Variants in CNBD2 observed in about 807,000 individuals in gnomAD.
CNBD2 encodes cyclic nucleotide-binding domain-containing protein 2.
A neutral mutation model predicts 63.7 loss-of-function variants in CNBD2; 64 were observed. The ratio of observed to expected loss-of-function variants is 1.00; its 90% CI spans 0.82 to 1.24. The LOEUF (loss-of-function observed/expected upper bound fraction) is 1.24, where lower values mean the gene tolerates loss of function less well. Among genes scored for constraint, CNBD2 ranks in the 50% most tolerant of loss-of-function variants. The pLI is 0.00. For missense variants in CNBD2, 691 were observed against 713.5 expected, an observed-to-expected ratio of 0.97 and a Z score of 0.36; for synonymous variants, 229 against 255.4, an observed-to-expected ratio of 0.90 and a Z score of 0.99.
At chr20:35,960,293 A>G (rs2056295966), downstream of CNBD2, among the ~76,000 whole-genome samples, 1 of 151,618 alleles carries the variant, frequency 6.6e-6, no homozygotes, top group Non-Finnish European at 1.5e-5. Flanking sequence ...CCCAGCAATG[A>G]ATGAGAATTT....
intron 6 of CNBD2, among the ~76,000 whole-genome samples, 154 bp from the exon 7 acceptor site, chr20:35,987,241 G>C (rs1256743116): frequency 6.6e-6 from 1 of 152,156 alleles, no homozygotes; most frequent in Non-Finnish European, 1.5e-5. Context: ...GTAGGAGAAT[G>C]GCTACAGGCA....
chr20:35,987,614 G>A, intron 7 of CNBD2, 81 bp downstream of exon 7: 2 of 1,524,256 alleles, frequency 1.3e-6, no homozygotes, highest in Middle Eastern at 1.8e-4. Flanking sequence ...GATGGTCAGA[G>A]TTTGAGCCCT....
At chr20:36,023,800 A>T in intron 11 of CNBD2, 29 bp downstream of exon 11, 1 of 1,534,222 alleles carries the variant, frequency 6.5e-7, no homozygotes. Flanking sequence ...CGTAAGTCCC[A>T]TCAGGTGAAA....
intron 8 of CNBD2, among the ~76,000 whole-genome samples, chr20:36,007,581 G>T (rs900938092): frequency 6.6e-6 from 1 of 152,178 alleles, no homozygotes; most frequent in Non-Finnish European, 1.5e-5. Flanking sequence ...TGCACACAGT[G>T]TTGTAAACAC....
At chr20:36,007,577 C>T (rs747617163) in intron 8 of CNBD2, among the ~76,000 whole-genome samples, 2 of 152,184 alleles carry the variant, frequency 1.3e-5, no homozygotes, top group Non-Finnish European at 2.9e-5. Flanking sequence ...AGACTGCACA[C>T]AGTGTTGTAA....
chr20:35,971,433 C>T (rs569774574), intron 1 of CNBD2, among the ~76,000 whole-genome samples: 2 of 151,760 alleles, frequency 1.3e-5, no homozygotes, highest in African/African-American at 2.4e-5. Context: ...CTTATTTGTC[C>T]CTAGAGTGCC....
intron 3 of CNBD2, among the ~76,000 whole-genome samples, chr20:35,976,972 A>C (rs2056529246): frequency 6.6e-6 from 1 of 152,090 alleles, no homozygotes; most frequent in African/African-American, 2.4e-5. Flanking sequence ...TCTCCTGGGC[A>C]CAGCCTTATT....
intron 2 of CNBD2, chr20:35,973,164 A>G (rs779683094): frequency 3.1e-5 from 9 of 287,540 alleles, no homozygotes; most frequent in African/African-American, 6.5e-5. Context: ...TCACTCCTCA[A>G]TGTAAAAGGA....
chr20:36,026,315 G>A (rs1331469803), intron 11 of CNBD2, among the ~76,000 whole-genome samples: 1 of 152,150 alleles, frequency 6.6e-6, no homozygotes. Flanking sequence ...GGGATTGCAT[G>A]AGCCACCGCG....
Position 35,970,832 on chromosome 20 carries a change from C to T in CNBD2, c.52-1797C>T, listed in dbSNP as rs548631462. Among the ~76,000 whole-genome samples, 9 of 152,364 alleles carry T rather than the reference C, an allele frequency of 5.9e-5. No homozygotes were observed. In the South Asian group the frequency reaches 8.3e-4, roughly 14 times the overall value. On this transcript the variant is annotated intron_variant, in intron 1 of 11. Transcript: ENST00000373973. ...CTGGGCTCAAGCAATCCTTCTGCCT[C>T]GGCCTCCCGAGTAGCTGGGACTACA...
chr20:35,954,508 G>T (rs1293254763), upstream of CNBD2: 1 of 1,534,568 alleles, frequency 6.5e-7, no homozygotes, highest in Non-Finnish European at 8.8e-7. Context: ...TCTGCGTCCA[G>T]GTCGGCGCGC....
At chr20:36,012,197 G>A (rs1334733111) in intron 10 of CNBD2, among the ~76,000 whole-genome samples, 1 of 152,082 alleles carries the variant, frequency 6.6e-6, no homozygotes, top group Non-Finnish European at 1.5e-5. Context: ...CTACTCGGGA[G>A]GCTGAGGCAA....
At chr20:36,022,217 T>TTTTTTTTTTG (rs561441076) in intron 10 of CNBD2, among the ~76,000 whole-genome samples, 7 of 107,164 alleles carry the variant, frequency 6.5e-5, no homozygotes, top group African/African-American at 3.0e-4. Context: ...TTTTTTTTTT[T>TTTTTTTTTTG]GAGATGGAGT....
At position 35,987,460 on chromosome 20, in the gene CNBD2, T is replaced by G. The variant is rs766476919; in HGVS notation, c.782T>G (p.Ile261Arg). The G allele has an allele frequency of 1.9e-6, 3 of 1,614,164 alleles. No individual in the cohort carries two copies. In the South Asian group the frequency reaches 3.3e-5, roughly 18 times the overall value. The stretch of plus-strand genomic sequence containing the variant: ...TGGCAGCTGGTAGCCATGGCGAAGA[T>G]AGAGAGGTTCTCGTATGGGCAGCTG... ...KLWQLVAMAKIERFSYGQLIS... is the reference protein window; with the variant it reads ...KLWQLVAMAKRERFSYGQLIS... Residue 261 changes from isoleucine (I) to arginine (R), a missense_variant, in exon 7 of 12, where the codon ATA becomes AGA. Ile to Arg is a moderately conservative substitution (Grantham distance 97, BLOSUM62 -3). Coordinates refer to ENST00000373973, the MANE Select transcript of CNBD2 (RefSeq NM_001365709.1).
chr20:35,997,937 G>C (rs1244289255), intron 8 of CNBD2, among the ~76,000 whole-genome samples: 1 of 151,286 alleles, frequency 6.6e-6, no homozygotes, highest in African/African-American at 2.4e-5. Context: ...TTTCTCTTTT[G>C]ATTTCTTCTT....
At chr20:36,010,673 G>A (rs1277558760) in intron 9 of CNBD2, among the ~76,000 whole-genome samples, 1 of 151,754 alleles carries the variant, frequency 6.6e-6, no homozygotes, top group Non-Finnish European at 1.5e-5. Context: ...TGAGGCATGA[G>A]TATCACTTGA....
chr20:36,019,730 G>A (rs2057183261), intron 10 of CNBD2, among the ~76,000 whole-genome samples: 1 of 152,112 alleles, frequency 6.6e-6, no homozygotes, highest in Non-Finnish European at 1.5e-5. Context: ...TTGGAAGGGT[G>A]AGACAGCCCA....
chr20:35,994,402 G>GTTT (rs10627340), intron 7 of CNBD2, among the ~76,000 whole-genome samples: 145,570 of 151,242 alleles, frequency 0.96, 70,115 homozygotes, highest in Middle Eastern at 1. Context: ...ATAATTTTGT[G>GTTT]TTGCCATGTT....
At position 36,008,488 on chromosome 20, in the gene CNBD2, T is replaced by C. The variant is rs762881193; in HGVS notation, c.1148+14T>C. ...CCCGAAGATCCAGTAAGCTCAGCCC[T>C]GGGCAGATAGACGGGTCCAGATTGT... On this transcript the variant is annotated intron_variant, in intron 9 of 11. Coordinates refer to ENST00000373973, the MANE Select transcript of CNBD2 (RefSeq NM_001365709.1). 1.3e-6 allele frequency: 2 copies of C among 1,596,950 alleles called. No individual in the cohort carries two copies. Among genetic ancestry groups the C allele is most frequent in the Middle Eastern group, 1.7e-4 (1 of 5,938 alleles).
Sources: gnomAD v4.1 joint callset for allele counts (sites outside exome capture counted in the v4.1 genomes callset) on GRCh38, gnomAD v4.1.1 for gene constraint, MANE v1.5 for transcripts, NCBI Gene and HGNC (gene_info 2026-07-23, HGNC 2026-07-21) for gene names.